Variants in SIM1 observed in about 807,000 individuals in gnomAD.
The protein encoded by SIM1 is SIM bHLH transcription factor 1, also known as single-minded homolog 1.
Under a neutral mutation model 78.2 loss-of-function variants are expected in SIM1, and 18 were observed. That is an observed-to-expected ratio of 0.23 (90% CI 0.16 to 0.34). The LOEUF is 0.34. Ranked by LOEUF, SIM1 falls within the 10% of genes least tolerant of loss-of-function variation. The pLI is 1.00. For synonymous variants in SIM1, 417 were observed against 385.2 expected, an observed-to-expected ratio of 1.08 and a Z score of -0.97; for missense variants, 939 against 975.1, an observed-to-expected ratio of 0.96 and a Z score of 0.49.
At chr6:100,414,616 T>C (rs939685685) in intron 10 of SIM1, among the ~76,000 whole-genome samples, 4 of 152,216 alleles carry the variant, frequency 2.6e-5, no homozygotes, top group Non-Finnish European at 4.4e-5. Flanking sequence ...ATAACCTAAA[T>C]TTTTCTGGCA....
chr6:100,453,661 T>C, intron 3 of SIM1, 101 bp downstream of exon 3: 1 of 914,108 alleles, frequency 1.1e-6, no homozygotes. Flanking sequence ...GGTTGTTTGT[T>C]TTTTTTTTGT....
intron 10 of SIM1, among the ~76,000 whole-genome samples, chr6:100,415,370 C>T (rs1014242586): frequency 7.2e-5 from 11 of 152,126 alleles, no homozygotes; most frequent in African/African-American, 2.7e-4. Flanking sequence ...ATGAAAAATA[C>T]ATTGCTATTT....
intron 11 of SIM1, among the ~76,000 whole-genome samples, chr6:100,391,329 A>G (rs1288968017): frequency 6.6e-6 from 1 of 152,210 alleles, no homozygotes; most frequent in African/African-American, 2.4e-5. Context: ...GTTTATAACA[A>G]GTTTCTTAGA....
At chr6:100,395,019 C>T (rs9403740) in intron 10 of SIM1, among the ~76,000 whole-genome samples, 50,050 of 152,012 alleles carry the variant, frequency 0.33, 9,373 homozygotes, top group East Asian at 0.75. Context: ...GGCTTATCTA[C>T]TCCCAGACTA....
intron 10 of SIM1, among the ~76,000 whole-genome samples, chr6:100,398,949 GTGTGTGTGTGTA>G (rs1409998173): frequency 1.5e-4 from 21 of 141,058 alleles, no homozygotes; most frequent in East Asian, 3.1e-4. Context: ...GTGTGTGTGT[GTGTGTGTGTGTA>G]TGTGTAGTAG....
chr6:100,445,548 A>T (rs935444954), intron 9 of SIM1, among the ~76,000 whole-genome samples: 1 of 152,254 alleles, frequency 6.6e-6, no homozygotes, highest in Non-Finnish European at 1.5e-5. Flanking sequence ...ACAGAAGAAG[A>T]AATGTACACT....
intron 10 of SIM1, among the ~76,000 whole-genome samples, chr6:100,416,948 T>A (rs62420433): frequency 0.068 from 10,331 of 151,066 alleles, 466 homozygotes; most frequent in East Asian, 0.18. Flanking sequence ...ATTAATCCTC[T>A]CATTTCCTGT....
intron 10 of SIM1, among the ~76,000 whole-genome samples, chr6:100,407,739 T>G (rs542109051): frequency 1.0e-3 from 152 of 152,268 alleles, no homozygotes; most frequent in African/African-American, 3.6e-3. Flanking sequence ...GCCATTTGTA[T>G]GCCTTCTTCA....
intron 9 of SIM1, among the ~76,000 whole-genome samples, chr6:100,424,609 T>A (rs1771677115): frequency 6.6e-6 from 1 of 151,982 alleles, no homozygotes; most frequent in South Asian, 2.1e-4. Flanking sequence ...CTGATTTTTT[T>A]TTTTTATTTT....
At chr6:100,403,320 C>T (rs1315838065) in intron 10 of SIM1, among the ~76,000 whole-genome samples, 1 of 152,220 alleles carries the variant, frequency 6.6e-6, no homozygotes, top group Non-Finnish European at 1.5e-5. Flanking sequence ...TCCCCCAGCT[C>T]TCCCCTGGAA....
In SIM1 at chr6:100,385,669, ATGTGTGTGTGTGTGTG is replaced by A. The variant is rs57211422; in HGVS notation, c.*4676_*4691del. On this transcript the variant is annotated 3_prime_UTR_variant, in exon 12 of 12. Transcript: ENST00000369208. Reference sequence around the variant, plus strand: ...TATGTGAACCATCATTTATTTATTTATGTGTGTGTGTGTGTGTGTGTGTGTGTGTGTGTGTGTGTGT... The same window carrying A: ...TATGTGAACCATCATTTATTTATTTATGTGTGTGTGTGTGTGTGTGTGTGT... 1.0e-3 allele frequency: 150 copies of A among 143,432 alleles called. 1 individual carries two copies. The highest frequency in any genetic ancestry group is 1.5e-3 in the Admixed American group (22 of 14,350). 8.9% of individuals were successfully genotyped at this position (143,432 alleles called of 1,614,324 possible).
chr6:100,456,612 T>C (rs143210072), intron 2 of SIM1, among the ~76,000 whole-genome samples: 1 of 152,304 alleles, frequency 6.6e-6, no homozygotes, highest in East Asian at 1.9e-4. Flanking sequence ...GAAAACAGAA[T>C]CTATTTTGGA....
At chr6:100,411,790 A>C (rs1389736202) in intron 10 of SIM1, among the ~76,000 whole-genome samples, 1 of 152,186 alleles carries the variant, frequency 6.6e-6, no homozygotes, top group Non-Finnish European at 1.5e-5. Flanking sequence ...AGGGGTCCAA[A>C]GGAGAAATAT....
chr6:100,412,640 A>AAAG (rs1771249491), intron 10 of SIM1, among the ~76,000 whole-genome samples: 1 of 96,426 alleles, frequency 1.0e-5, no homozygotes, highest in Non-Finnish European at 2.1e-5. Context: ...AAGAAAGAAA[A>AAAG]GAAAGAAAGA....
intron 10 of SIM1, among the ~76,000 whole-genome samples, chr6:100,413,423 C>T (rs1021533839): frequency 2.0e-5 from 3 of 152,180 alleles, no homozygotes; most frequent in Non-Finnish European, 2.9e-5. Flanking sequence ...TTTAGCATGT[C>T]GTTGTTGGTA....
intron 9 of SIM1, among the ~76,000 whole-genome samples, chr6:100,440,956 G>C (rs1432084524): frequency 2.0e-5 from 3 of 151,708 alleles, no homozygotes; most frequent in Non-Finnish European, 4.4e-5. Flanking sequence ...TTCAAGTAAA[G>C]CCTCCCTTGA....
Position 100,448,558 on chromosome 6 carries a change from C to CG in SIM1, c.663dup (p.Val222ArgfsTer41). ...TTGCTGTGTAGCTTGATCTCCGTGA[C>CG]GGCGCTGGGAGGCAGCGAGTGGCCC... On this transcript the variant is annotated frameshift_variant, in exon 7 of 12. Coordinates refer to ENST00000369208, the MANE Select transcript of SIM1 (RefSeq NM_005068.3). LOFTEE classifies it high-confidence loss of function. 6.2e-7 allele frequency: 1 copy of CG among 1,614,142 alleles called. No individual in the cohort carries two copies. Among genetic ancestry groups the CG allele is most frequent in the Non-Finnish European group, 8.5e-7 (1 of 1,180,032 alleles).
chr6:100,425,874 G>T (rs1771713019), intron 9 of SIM1, among the ~76,000 whole-genome samples: 1 of 152,162 alleles, frequency 6.6e-6, no homozygotes, highest in Admixed American at 6.5e-5. Flanking sequence ...CAGCTGCACA[G>T]AACTTAGACT....
Position 100,420,702 on chromosome 6 carries a change from C to T in SIM1, c.1167+88G>A, listed in dbSNP as rs1027166633. ...TTTTAGTTATTAAAACTAGATAATT[C>T]ATTCCAAATAGTTTTAATACTTTCT... On this transcript the variant is annotated intron_variant, in intron 10 of 11. Coordinates refer to ENST00000369208, the MANE Select transcript of SIM1 (RefSeq NM_005068.3). 2.4e-6 allele frequency: 3 copies of T among 1,270,750 alleles called. No individual in the cohort carries two copies. In the African/African-American group the frequency reaches 4.4e-5, roughly 19 times the overall value. 78.7% of individuals were successfully genotyped at this position (1,270,750 alleles called of 1,614,324 possible). A position where few individuals can be genotyped will look rare whatever the true frequency, so the allele number is the denominator to read the frequency against.
Sources: gnomAD v4.1 joint callset for allele counts (sites outside exome capture counted in the v4.1 genomes callset) on GRCh38, gnomAD v4.1.1 for gene constraint, MANE v1.5 for transcripts, NCBI Gene and HGNC (gene_info 2026-07-23, HGNC 2026-07-21) for gene names.